NAALADL2: variants seen among roughly 807,000 people sequenced by gnomAD.
The protein encoded by NAALADL2 is N-acetylated alpha-linked acidic dipeptidase like 2.
Under a neutral mutation model 87.2 loss-of-function variants are expected in NAALADL2, and 76 were observed. The observed-to-expected ratio is 0.87, with a 90% CI of 0.72 to 1.05. The LOEUF (loss-of-function observed/expected upper bound fraction) is 1.05. Ranked by LOEUF, NAALADL2 falls within the 50% of genes least tolerant of loss-of-function variation. The pLI is 0.00. For missense variants in NAALADL2, 1,089 were observed against 945.8 expected, an observed-to-expected ratio of 1.15 and a Z score of -1.99; for synonymous variants, 354 against 331.0, an observed-to-expected ratio of 1.07 and a Z score of -0.75.
At chr3:175,753,316 A>G (rs1276529436) in intron 12 of NAALADL2, among the ~76,000 whole-genome samples, 2 of 152,164 alleles carry the variant, frequency 1.3e-5, no homozygotes, top group African/African-American at 4.8e-5. Flanking sequence ...ATTTCATGTA[A>G]TCCTACCTAT....
intron 9 of NAALADL2, among the ~76,000 whole-genome samples, chr3:175,496,399 T>G (rs896002221): frequency 6.8e-6 from 1 of 147,048 alleles, no homozygotes; most frequent in African/African-American, 2.7e-5. Flanking sequence ...ATAAATTTTC[T>G]CTACCCATAT....
chr3:174,969,400 C>G (rs1194679033), intron 1 of NAALADL2, among the ~76,000 whole-genome samples: 1 of 152,026 alleles, frequency 6.6e-6, no homozygotes, highest in African/African-American at 2.4e-5. Context: ...GTGCGAATTC[C>G]CATAAAGATG....
At chr3:174,935,695 T>C (rs912437160) in intron 1 of NAALADL2, among the ~76,000 whole-genome samples, 2 of 152,172 alleles carry the variant, frequency 1.3e-5, no homozygotes, top group African/African-American at 4.8e-5. Context: ...TAAGGTTCTC[T>C]AATGAATGCC....
At chr3:175,446,755 C>G (rs1244052673) in intron 5 of NAALADL2, among the ~76,000 whole-genome samples, 1 of 152,110 alleles carries the variant, frequency 6.6e-6, no homozygotes, top group Non-Finnish European at 1.5e-5. Flanking sequence ...TAATAGGTAC[C>G]TGGTGTTGAC....
intron 5 of NAALADL2, among the ~76,000 whole-genome samples, chr3:175,436,390 G>A (rs555066991): frequency 6.7e-6 from 1 of 148,834 alleles, no homozygotes; most frequent in East Asian, 2.1e-4. Context: ...TGGGTCAAAT[G>A]GTATTTCTAG....
chr3:174,724,939 A>G (rs1732047351), intron 2 of NAALADL2, among the ~76,000 whole-genome samples: 1 of 152,168 alleles, frequency 6.6e-6, no homozygotes, highest in African/African-American at 2.4e-5. Context: ...GAGCCCACCT[A>G]TTCAGATTCT....
intron 1 of NAALADL2, among the ~76,000 whole-genome samples, chr3:174,527,288 A>G (rs111703288): frequency 0.022 from 3,313 of 152,228 alleles, 129 homozygotes; most frequent in African/African-American, 0.075. Flanking sequence ...TGGGAGGCTG[A>G]GGCAGGTGGA....
intron 12 of NAALADL2, among the ~76,000 whole-genome samples, chr3:175,754,580 G>A (rs377455828): frequency 1.1e-4 from 16 of 152,150 alleles, no homozygotes; most frequent in African/African-American, 3.9e-4. Flanking sequence ...AAGAAAAAAA[G>A]AACCCAGTAG....
At chr3:174,678,163 C>T (rs1380265816) in intron 2 of NAALADL2, among the ~76,000 whole-genome samples, 1 of 152,160 alleles carries the variant, frequency 6.6e-6, no homozygotes, top group Non-Finnish European at 1.5e-5. Flanking sequence ...TACTGCTTTA[C>T]ACACACTACC....
chr3:174,611,073 T>C (rs1174092829), intron 2 of NAALADL2, among the ~76,000 whole-genome samples: 1 of 149,546 alleles, frequency 6.7e-6, no homozygotes, highest in African/African-American at 2.5e-5. Flanking sequence ...GGACAAAAAA[T>C]CAAACACTGC....
intron 2 of NAALADL2, among the ~76,000 whole-genome samples, chr3:174,564,000 C>T (rs1410385008): frequency 6.6e-6 from 1 of 152,110 alleles, no homozygotes; most frequent in Non-Finnish European, 1.5e-5. Context: ...CTGTCTAAAG[C>T]ACAGGGAAAC....
intron 1 of NAALADL2, among the ~76,000 whole-genome samples, chr3:174,931,650 A>G (rs536807257): frequency 4.8e-4 from 73 of 152,306 alleles, no homozygotes; most frequent in African/African-American, 1.7e-3. Flanking sequence ...CTATCTCTTC[A>G]AGGGTAGATA....
chr3:175,700,612 A>C (rs1279158435), intron 11 of NAALADL2, among the ~76,000 whole-genome samples: 1 of 152,098 alleles, frequency 6.6e-6, no homozygotes, highest in Non-Finnish European at 1.5e-5. Context: ...TGCTTACAGG[A>C]GGCTGTATGA....
intron 2 of NAALADL2, among the ~76,000 whole-genome samples, chr3:174,644,275 A>C (rs1723555008): frequency 6.6e-6 from 1 of 152,226 alleles, no homozygotes. Context: ...TAAACAGTCA[A>C]TTAATACCTA....
intron 3 of NAALADL2, among the ~76,000 whole-genome samples, chr3:174,811,391 C>G (rs1204930914): frequency 6.6e-6 from 1 of 152,164 alleles, no homozygotes; most frequent in East Asian, 1.9e-4. Flanking sequence ...CCTTGGGAGT[C>G]CACCCCTTGC....
intron 2 of NAALADL2, among the ~76,000 whole-genome samples, chr3:174,643,321 A>C (rs1723444739): frequency 6.6e-6 from 1 of 152,138 alleles, no homozygotes; most frequent in Non-Finnish European, 1.5e-5. Context: ...TGAATAATAG[A>C]GAACAGAGAA....
intron 1 of NAALADL2, among the ~76,000 whole-genome samples, chr3:174,910,756 G>A (rs1733586958): frequency 6.6e-6 from 1 of 152,062 alleles, no homozygotes; most frequent in Non-Finnish European, 1.5e-5. Flanking sequence ...CCTGTGACAT[G>A]TGACTTGACC....
intron 3 of NAALADL2, among the ~76,000 whole-genome samples, chr3:175,244,030 T>C (rs995377999): frequency 2.0e-5 from 3 of 152,170 alleles, no homozygotes; most frequent in African/African-American, 7.2e-5. Flanking sequence ...CTGCCTGGAC[T>C]TTCAACACAG....
At chr3:175,662,289 A>C (rs1732370383) in intron 11 of NAALADL2, among the ~76,000 whole-genome samples, 1 of 151,836 alleles carries the variant, frequency 6.6e-6, no homozygotes, top group African/African-American at 2.4e-5. Flanking sequence ...TATCTTTTTC[A>C]GATTGATCAC....
Sources: gnomAD v4.1 joint callset for allele counts (sites outside exome capture counted in the v4.1 genomes callset) on GRCh38, gnomAD v4.1.1 for gene constraint, MANE v1.5 for transcripts, NCBI Gene and HGNC (gene_info 2026-07-23, HGNC 2026-07-21) for gene names.